The following ADGRL3 variants were observed in gnomAD, a reference collection of about 807,000 sequenced individuals.
ADGRL3 encodes the protein adhesion G protein-coupled receptor L3, also known as calcium-independent alpha-latrotoxin receptor 3.
A neutral mutation model predicts 153.5 loss-of-function variants in ADGRL3; 62 were observed. That is an observed-to-expected ratio of 0.40 (90% CI 0.33 to 0.50). ADGRL3 has a LOEUF of 0.50. Among genes scored for constraint, ADGRL3 ranks in the 20% least tolerant of loss-of-function variants. ADGRL3 has a pLI of 0.47. For synonymous variants in ADGRL3, 710 were observed against 672.5 expected, an observed-to-expected ratio of 1.06 and a Z score of -0.86; for missense variants, 1,641 against 1,859.4, an observed-to-expected ratio of 0.88 and a Z score of 2.16.
chr4:61,535,211 T>G (rs186771495), intron 4 of ADGRL3, among the ~76,000 whole-genome samples: 27 of 152,186 alleles, frequency 1.8e-4, no homozygotes, highest in African/African-American at 6.5e-4. Flanking sequence ...ATGGCATTTG[T>G]TTTTAATTTG....
At chr4:61,973,835 A>G (rs1378290487) in intron 17 of ADGRL3, among the ~76,000 whole-genome samples, 2 of 152,196 alleles carry the variant, frequency 1.3e-5, no homozygotes, top group Admixed American at 6.5e-5. Flanking sequence ...AAAAGTATAC[A>G]AATGAATTAG....
intron 6 of ADGRL3, among the ~76,000 whole-genome samples, chr4:61,699,798 A>C (rs2151284101): frequency 6.6e-6 from 1 of 152,324 alleles, no homozygotes; most frequent in South Asian, 2.1e-4. Flanking sequence ...TAAATGTATT[A>C]AATTTTTAAA....
At chr4:61,745,446 G>C (rs1167865173) in intron 8 of ADGRL3, among the ~76,000 whole-genome samples, 1 of 152,144 alleles carries the variant, frequency 6.6e-6, no homozygotes, top group African/African-American at 2.4e-5. Flanking sequence ...AAAATGTTAA[G>C]GGCAGCCAGA....
chr4:61,789,486 T>C (rs1371027505), intron 8 of ADGRL3, among the ~76,000 whole-genome samples: 1 of 152,212 alleles, frequency 6.6e-6, no homozygotes, highest in Admixed American at 6.5e-5. Flanking sequence ...TTGGCAATTA[T>C]ATGCAAGAAG....
chr4:61,728,398 G>T (rs773175203), intron 6 of ADGRL3, among the ~76,000 whole-genome samples: 3 of 151,992 alleles, frequency 2.0e-5, no homozygotes, highest in African/African-American at 4.8e-5. Flanking sequence ...GTTAATAGAG[G>T]TTAAAGCTCT....
chr4:61,276,167 G>A (rs2149885581), intron 1 of ADGRL3, among the ~76,000 whole-genome samples: 1 of 152,166 alleles, frequency 6.6e-6, no homozygotes, highest in Non-Finnish European at 1.5e-5. Context: ...GGGGAGAAAG[G>A]AATATATTAT....
In ADGRL3 at chr4:61,395,466, G is replaced by A. The variant is rs546628538; in HGVS notation, c.-174+12277G>A. ...ACTAACCAGGGTGTTTTGTTGTTAT[G>A]AGACCATAATTTATTCACAAAACTT... On this transcript the variant is annotated intron_variant, in intron 2 of 26. Transcript: ENST00000683033. Among the ~76,000 whole-genome samples, 20 of 151,990 alleles carry A rather than the reference G, an allele frequency of 1.3e-4. No individual in the cohort carries two copies. The South Asian group carries it at 3.3e-3, about 25-fold the overall frequency.
chr4:61,240,536 A>C lies in ADGRL3; in HGVS notation c.-240+38771A>C, dbSNP rs955080988. Among the ~76,000 whole-genome samples the C allele has an allele frequency of 4.0e-4, 61 of 152,166 alleles. 2 individuals carry two copies. The highest frequency in any genetic ancestry group is 1.2e-4 in the Non-Finnish European group (8 of 68,018). On this transcript the variant is annotated intron_variant, in intron 1 of 26. Transcript: ENST00000683033. ...AGTAGAGCCTAAACATCTATGAAAC[A>C]GATGTAGATGTCTTTATCTGTAATT... is the stretch of plus-strand genomic sequence containing the variant.
intron 9 of ADGRL3, among the ~76,000 whole-genome samples, chr4:61,832,110 G>A (rs180969258): frequency 3.3e-5 from 5 of 152,094 alleles, no homozygotes; most frequent in Admixed American, 2.0e-4. Flanking sequence ...AGGAGAAAAG[G>A]GCATACAAGA....
At chr4:61,484,667 A>G (rs2098169957) in intron 2 of ADGRL3, among the ~76,000 whole-genome samples, 2 of 152,134 alleles carry the variant, frequency 1.3e-5, no homozygotes, top group South Asian at 4.1e-4. Context: ...AGCTGTTATT[A>G]TTATTATTTT....
intron 5 of ADGRL3, among the ~76,000 whole-genome samples, chr4:61,673,025 T>C (rs2095059843): frequency 6.6e-6 from 1 of 151,962 alleles, no homozygotes; most frequent in Non-Finnish European, 1.5e-5. Flanking sequence ...ACTCTTGTCA[T>C]TTGTGATAAC....
intron 2 of ADGRL3, among the ~76,000 whole-genome samples, chr4:61,386,967 T>C (rs1417340434): frequency 6.6e-6 from 1 of 152,156 alleles, no homozygotes; most frequent in Non-Finnish European, 1.5e-5. Context: ...TGTGAAAATA[T>C]CACCAAAATC....
chr4:61,439,632 A>G (rs564632649), intron 2 of ADGRL3, among the ~76,000 whole-genome samples: 6 of 151,844 alleles, frequency 4.0e-5, no homozygotes, highest in African/African-American at 7.3e-5. Context: ...ACGCCCCGGT[A>G]TGTAATGTTC....
chr4:61,745,301 G>A (rs994725864), intron 8 of ADGRL3, among the ~76,000 whole-genome samples: 3 of 152,164 alleles, frequency 2.0e-5, no homozygotes, highest in African/African-American at 4.8e-5. Context: ...TATTATCCAG[G>A]AGAACTTCCC....
chr4:61,830,837 A>G (rs2097860011), intron 9 of ADGRL3, among the ~76,000 whole-genome samples: 1 of 152,304 alleles, frequency 6.6e-6, no homozygotes, highest in African/African-American at 2.4e-5. Flanking sequence ...CTGTGTCATA[A>G]TATTATTGAC....
chr4:61,745,350 T>C (rs1315547545), intron 8 of ADGRL3, among the ~76,000 whole-genome samples: 7 of 151,856 alleles, frequency 4.6e-5, no homozygotes, highest in Non-Finnish European at 4.4e-5. Context: ...ACTCAGGAAA[T>C]ACAGAGAATG....
At chr4:61,543,994 T>A (rs2148678794) in intron 4 of ADGRL3, among the ~76,000 whole-genome samples, 1 of 152,340 alleles carries the variant, frequency 6.6e-6, no homozygotes, top group African/African-American at 2.4e-5. Flanking sequence ...ACAGTCTACT[T>A]ATGTGATGGA....
intron 17 of ADGRL3, among the ~76,000 whole-genome samples, chr4:61,949,347 A>T (rs1234511656): frequency 6.6e-6 from 1 of 152,198 alleles, no homozygotes; most frequent in Non-Finnish European, 1.5e-5. Flanking sequence ...CTCAACAAAA[A>T]TAATACTTTT....
At chr4:61,954,637 C>G (rs756370707) in intron 17 of ADGRL3, among the ~76,000 whole-genome samples, 2 of 151,990 alleles carry the variant, frequency 1.3e-5, no homozygotes, top group Non-Finnish European at 2.9e-5. Flanking sequence ...TGCTCACCTG[C>G]TCTAGCCACT....
Sources: gnomAD v4.1 joint callset for allele counts (sites outside exome capture counted in the v4.1 genomes callset) on GRCh38, gnomAD v4.1.1 for gene constraint, MANE v1.5 for transcripts, NCBI Gene and HGNC (gene_info 2026-07-23, HGNC 2026-07-21) for gene names.